CENPW: variants seen among roughly 807,000 people sequenced by gnomAD.
CENPW encodes the protein centromere protein W.
A neutral mutation model predicts 11.1 loss-of-function variants in CENPW; 3 were observed. That is an observed-to-expected ratio of 0.27 (90% CI 0.12 to 0.70). The LOEUF (loss-of-function observed/expected upper bound fraction) is 0.70. CENPW is among the 30% of genes least tolerant of loss of function. CENPW has a pLI of 0.77. For synonymous variants in CENPW, 38 were observed against 42.0 expected, an observed-to-expected ratio of 0.91 and a Z score of 0.37; for missense variants, 100 against 105.6, an observed-to-expected ratio of 0.95 and a Z score of 0.23.
At chr6:126,389,718 C>A in the CENPW span, among the ~76,000 whole-genome samples, 1 of 151,478 alleles carries the variant, frequency 6.6e-6, no homozygotes, top group African/African-American at 2.4e-5. Flanking sequence ...TATGTAAAAT[C>A]CAGTTAAGAC....
chr6:126,472,222 T>C, the CENPW span, among the ~76,000 whole-genome samples: 2 of 152,226 alleles, frequency 1.3e-5, no homozygotes, highest in African/African-American at 4.8e-5. Context: ...TTTTAGCATA[T>C]GTATACACCC....
At chr6:126,373,252 G>A in the CENPW span, among the ~76,000 whole-genome samples, 3 of 152,044 alleles carry the variant, frequency 2.0e-5, no homozygotes, top group Admixed American at 2.0e-4. Context: ...ATTTCATAAT[G>A]TACTATTTTT....
At chr6:126,350,495 A>G (rs562557093), downstream of CENPW, among the ~76,000 whole-genome samples, 16 of 152,248 alleles carry the variant, frequency 1.1e-4, 2 homozygotes, top group South Asian at 3.3e-3. Context: ...TCATGACCTA[A>G]TTACCTCCCA....
At chr6:126,481,646 G>C in the CENPW span, among the ~76,000 whole-genome samples, 1 of 152,024 alleles carries the variant, frequency 6.6e-6, no homozygotes, top group African/African-American at 2.4e-5. Context: ...ATCACCTCTT[G>C]AAGGTCCCAC....
the CENPW span, among the ~76,000 whole-genome samples, chr6:126,402,369 C>G: frequency 6.6e-6 from 1 of 151,614 alleles, no homozygotes; most frequent in East Asian, 1.9e-4. Context: ...TTCTTCCTTC[C>G]ATCACAGATT....
At chr6:126,473,720 ATCTCTCTC>A in the CENPW span, among the ~76,000 whole-genome samples, 16 of 142,630 alleles carry the variant, frequency 1.1e-4, no homozygotes, top group East Asian at 2.4e-3. Flanking sequence ...ACGAGAGTGA[ATCTCTCTC>A]TCTCTCTCTC....
the CENPW span, among the ~76,000 whole-genome samples, chr6:126,387,408 G>A: frequency 2.0e-5 from 3 of 152,012 alleles, no homozygotes; most frequent in South Asian, 4.2e-4. Flanking sequence ...TTTCACGGAG[G>A]AAAGTTGCCA....
At chr6:126,472,967 A>G in the CENPW span, among the ~76,000 whole-genome samples, 1 of 152,248 alleles carries the variant, frequency 6.6e-6, no homozygotes, top group Non-Finnish European at 1.5e-5. Flanking sequence ...CACAAGAAAG[A>G]TGCTCAACAT....
At chr6:126,360,917 T>G in the CENPW span, among the ~76,000 whole-genome samples, 1 of 117,374 alleles carries the variant, frequency 8.5e-6, no homozygotes, top group East Asian at 3.9e-3. Context: ...TGTGTCATTT[T>G]GGTCATTTCA....
the CENPW span, among the ~76,000 whole-genome samples, chr6:126,360,340 C>G: frequency 6.6e-6 from 1 of 152,086 alleles, no homozygotes; most frequent in African/African-American, 2.4e-5. Context: ...ACCTTTCTCT[C>G]TAGGTGTGTT....
chr6:126,477,584 C>T, the CENPW span, among the ~76,000 whole-genome samples: 1 of 151,858 alleles, frequency 6.6e-6, no homozygotes, highest in Non-Finnish European at 1.5e-5. Context: ...GGAACAGACT[C>T]AAAGAGCTCA....
the CENPW span, among the ~76,000 whole-genome samples, chr6:126,471,037 T>C: frequency 5.9e-5 from 9 of 152,292 alleles, no homozygotes; most frequent in East Asian, 1.2e-3. Context: ...AGTTAAGAAT[T>C]TGGGGGACTG....
chr6:126,386,840 C>T, the CENPW span, among the ~76,000 whole-genome samples: 1 of 151,586 alleles, frequency 6.6e-6, no homozygotes, highest in African/African-American at 2.4e-5. Flanking sequence ...TTGATAAGTA[C>T]AATAATTGGA....
chr6:126,350,979 A>G (rs1437585354), downstream of CENPW, among the ~76,000 whole-genome samples: 1 of 151,940 alleles, frequency 6.6e-6, no homozygotes, highest in Admixed American at 6.6e-5. Flanking sequence ...TTTTCCTTCA[A>G]GAGCTGGACT....
At chr6:126,353,558 G>T (rs373947059), downstream of CENPW, among the ~76,000 whole-genome samples, 8 of 151,788 alleles carry the variant, frequency 5.3e-5, no homozygotes, top group East Asian at 1.5e-3. Context: ...TGTCTTTTTT[G>T]TTGTTGTTTC....
chr6:126,416,663 AGG>A, the CENPW span, among the ~76,000 whole-genome samples: 2 of 152,182 alleles, frequency 1.3e-5, no homozygotes, highest in African/African-American at 4.8e-5. Context: ...TGTAGAGGTC[AGG>A]CCATGGCTTC....
chr6:126,465,830 A>G, the CENPW span, among the ~76,000 whole-genome samples: 1 of 152,116 alleles, frequency 6.6e-6, no homozygotes, highest in African/African-American at 2.4e-5. Context: ...ATGATTCTAG[A>G]TTGAAAACAA....
chr6:126,464,988 T>C, the CENPW span, among the ~76,000 whole-genome samples: 1 of 152,116 alleles, frequency 6.6e-6, no homozygotes, highest in Non-Finnish European at 1.5e-5. Flanking sequence ...TTTTAGGTAA[T>C]ATTGTACTGG....
chr6:126,388,377 C>G, the CENPW span, among the ~76,000 whole-genome samples: 1 of 151,948 alleles, frequency 6.6e-6, no homozygotes, highest in African/African-American at 2.4e-5. Context: ...ATAGCACCGG[C>G]CTGAGTCCCT....
Sources: gnomAD v4.1 joint callset for allele counts (sites outside exome capture counted in the v4.1 genomes callset) on GRCh38, gnomAD v4.1.1 for gene constraint, MANE v1.5 for transcripts, NCBI Gene and HGNC (gene_info 2026-07-23, HGNC 2026-07-21) for gene names.